Variants in SYT1 observed in about 807,000 individuals in gnomAD.
SYT1 encodes synaptotagmin 1.
A neutral mutation model predicts 44.8 loss-of-function variants in SYT1; 8 were observed. The observed-to-expected ratio is 0.18, with a 90% CI of 0.10 to 0.32. The LOEUF (loss-of-function observed/expected upper bound fraction) is 0.32. Among genes scored for constraint, SYT1 ranks in the 10% least tolerant of loss-of-function variants. SYT1 has a pLI of 1.00. For synonymous variants in SYT1, 154 were observed against 188.8 expected (o/e 0.82, Z 1.51); for missense variants, 286 against 509.3 (o/e 0.56, Z 4.22).
chr12:79,397,859 G>A (rs767608831), intron 9 of SYT1, among the ~76,000 whole-genome samples: 24 of 152,166 alleles, frequency 1.6e-4, no homozygotes, highest in Non-Finnish European at 3.2e-4. Context: ...CATCCAGGAA[G>A]TTTCCATCAT....
At chr12:78,883,518 T>G (rs1592522646) in intron 1 of SYT1, among the ~76,000 whole-genome samples, 1 of 151,702 alleles carries the variant, frequency 6.6e-6, no homozygotes, top group Non-Finnish European at 1.5e-5. Flanking sequence ...CAGTCTTTGT[T>G]TCCCTAGATT....
At chr12:78,934,173 T>TACAC (rs78125687) in intron 1 of SYT1, among the ~76,000 whole-genome samples, 3,855 of 148,276 alleles carry the variant, frequency 0.026, 153 homozygotes, top group East Asian at 0.15. Context: ...CACACACACA[T>TACAC]ACACACACAC....
At chr12:79,100,266 C>T (rs1042530180) in intron 3 of SYT1, among the ~76,000 whole-genome samples, 5 of 152,050 alleles carry the variant, frequency 3.3e-5, no homozygotes, top group Non-Finnish European at 7.4e-5. Flanking sequence ...GAATAAATTG[C>T]CTGAGGTCAC....
At chr12:79,192,157 C>G (rs1873169698) in intron 3 of SYT1, among the ~76,000 whole-genome samples, 2 of 152,058 alleles carry the variant, frequency 1.3e-5, no homozygotes, top group African/African-American at 4.8e-5. Flanking sequence ...CTAAGAATGT[C>G]AGAAATACCT....
At chr12:79,055,059 C>T (rs1486419075) in intron 3 of SYT1, among the ~76,000 whole-genome samples, 1 of 151,910 alleles carries the variant, frequency 6.6e-6, no homozygotes, top group African/African-American at 2.4e-5. Context: ...GCCAGCTCCA[C>T]CACTTATTAA....
intron 1 of SYT1, among the ~76,000 whole-genome samples, chr12:78,927,987 A>T (rs1282873169): frequency 6.6e-6 from 1 of 152,028 alleles, no homozygotes; most frequent in African/African-American, 2.4e-5. Context: ...TTCTGCTGGG[A>T]TTTGAAAGTA....
chr12:79,154,668 A>C (rs1870486024), intron 3 of SYT1, among the ~76,000 whole-genome samples: 1 of 152,168 alleles, frequency 6.6e-6, no homozygotes, highest in African/African-American at 2.4e-5. Context: ...GCATGTGATA[A>C]CTAAATGAGG....
chr12:78,923,112 C>T (rs1877100219), intron 1 of SYT1, among the ~76,000 whole-genome samples: 1 of 151,888 alleles, frequency 6.6e-6, no homozygotes, highest in South Asian at 2.1e-4. Context: ...CAGCAGAGTC[C>T]AATTTCTATA....
intron 3 of SYT1, among the ~76,000 whole-genome samples, chr12:79,178,946 A>ATATCTATG (rs1364229202): frequency 6.3e-5 from 3 of 47,742 alleles, no homozygotes; most frequent in Non-Finnish European, 1.1e-4. Context: ...AGATATAGAT[A>ATATCTATG]TAGATATAGA....
chr12:79,268,902 A>T (rs1005884830), intron 4 of SYT1, among the ~76,000 whole-genome samples: 1 of 152,184 alleles, frequency 6.6e-6, no homozygotes, highest in African/African-American at 2.4e-5. Context: ...GATTAAAAGG[A>T]GTCTGAAAAC....
At chr12:79,002,992 C>G (rs1229480166) in intron 2 of SYT1, among the ~76,000 whole-genome samples, 2 of 151,934 alleles carry the variant, frequency 1.3e-5, no homozygotes, top group African/African-American at 4.8e-5. Context: ...ACTTGACCCA[C>G]CACTGGAGTA....
intron 2 of SYT1, among the ~76,000 whole-genome samples, chr12:79,016,614 A>C (rs534967347): frequency 6.6e-6 from 1 of 152,246 alleles, no homozygotes; most frequent in Admixed American, 6.6e-5. Context: ...GAAAAACTCA[A>C]TTACAAAATC....
chr12:79,042,855 C>T (rs1873702686), intron 2 of SYT1, among the ~76,000 whole-genome samples: 1 of 151,822 alleles, frequency 6.6e-6, no homozygotes, highest in African/African-American at 2.4e-5. Context: ...CAAAGAACAT[C>T]TTTATTTCTG....
At chr12:79,040,660 G>T (rs982797799) in intron 2 of SYT1, among the ~76,000 whole-genome samples, 2 of 152,028 alleles carry the variant, frequency 1.3e-5, no homozygotes, top group African/African-American at 4.8e-5. Context: ...GTCTTTTGTT[G>T]CCATTGCTTT....
At chr12:78,979,609 G>T (rs984126203) in intron 2 of SYT1, among the ~76,000 whole-genome samples, 3 of 151,940 alleles carry the variant, frequency 2.0e-5, no homozygotes, top group Admixed American at 6.6e-5. Context: ...AGTTAAATTT[G>T]AATTTTAATT....
At chr12:79,437,988 A>G (rs1375619616) in intron 9 of SYT1, among the ~76,000 whole-genome samples, 1 of 152,178 alleles carries the variant, frequency 6.6e-6, no homozygotes, top group East Asian at 1.9e-4. Flanking sequence ...AGAAGAGAGC[A>G]AAGGAGAGTT....
At chr12:79,138,155 G>A (rs959498834) in intron 3 of SYT1, among the ~76,000 whole-genome samples, 1 of 152,094 alleles carries the variant, frequency 6.6e-6, no homozygotes, top group Non-Finnish European at 1.5e-5. Context: ...CTTTACCTCT[G>A]AAGCTGTCTG....
At chr12:79,020,415 A>T (rs1183459884) in intron 2 of SYT1, among the ~76,000 whole-genome samples, 1 of 151,900 alleles carries the variant, frequency 6.6e-6, no homozygotes, top group African/African-American at 2.4e-5. Flanking sequence ...ATAAAAGCTC[A>T]CACTGGTTCT....
intron 10 of SYT1, among the ~76,000 whole-genome samples, chr12:79,448,384 T>TTAA: frequency 6.6e-6 from 1 of 152,338 alleles, no homozygotes; most frequent in East Asian, 1.9e-4. Context: ...AAATTCTATA[T>TTAA]TAATTCTATA....
Sources: allele counts gnomAD v4.1 joint callset (sites outside exome capture counted in the v4.1 genomes callset), GRCh38; gene constraint gnomAD v4.1.1; transcripts MANE v1.5; gene names NCBI Gene and HGNC (gene_info 2026-07-23, HGNC 2026-07-21).